PDSS1: variants seen among roughly 807,000 people sequenced by gnomAD.
PDSS1 encodes all trans-polyprenyl-diphosphate synthase PDSS1.
PDSS1 carries 43 observed loss-of-function variants against 57.5 expected under a neutral mutation model. That is an observed-to-expected ratio of 0.75 (90% confidence interval 0.59 to 0.96). The LOEUF is 0.96. Among genes scored for constraint, PDSS1 ranks in the 50% least tolerant of loss-of-function variants. The pLI is 0.00. For synonymous variants in PDSS1, 175 were observed against 191.3 expected, an observed-to-expected ratio of 0.91 and a Z score of 0.70; for missense variants, 438 against 527.8, an observed-to-expected ratio of 0.83 and a Z score of 1.67.
In PDSS1 at chr10:26,746,355, C is replaced by T. The variant is rs758061713; in HGVS notation, c.1130C>T (p.Thr377Ile). 5.6e-6 allele frequency: 9 copies of T among 1,614,080 alleles called. No homozygotes were observed. The highest frequency in any genetic ancestry group is 5.9e-6 in the Non-Finnish European group (7 of 1,179,952). The change falls in exon 12 of 12, where the codon ACC becomes ATC. Residue 377 changes from threonine (T) to isoleucine (I), a missense_variant. Physicochemically the swap from Thr to Ile is moderately conservative, Grantham distance 89. Around this residue, in one of 2 missense-constraint regions of PDSS1, gnomAD observed 284 missense variants for 390.7 expected, o/e 0.73. Coordinates refer to ENST00000376215, the MANE Select transcript of PDSS1 (RefSeq NM_014317.5). Reference sequence around the variant, plus strand: ...TAGAGTGATGGTGTGCAACAAACAACCTACCTCGCCCAGCAGTACTGCCAT... The same window carrying T: ...TAGAGTGATGGTGTGCAACAAACAATCTACCTCGCCCAGCAGTACTGCCAT... ...VLQSDGVQQT[T>I]YLAQQYCHEA...
intron 11 of PDSS1, among the ~76,000 whole-genome samples, 168 bp downstream of exon 11, chr10:26,742,745 ATTTTC>A (rs1052720608): frequency 4.6e-5 from 7 of 152,132 alleles, no homozygotes; most frequent in African/African-American, 1.4e-4. Context: ...CTGATTTTTT[ATTTTC>A]ATTTCTCTTC....
chr10:26,740,161 T>TAAAAAAA (rs1564436809), intron 10 of PDSS1, among the ~76,000 whole-genome samples: 2 of 148,528 alleles, frequency 1.3e-5, no homozygotes, highest in African/African-American at 5.0e-5. Flanking sequence ...AAAAAAAAAT[T>TAAAAAAA]AAAAAATTAG....
At chr10:26,733,997 C>T (rs1466974781) in intron 8 of PDSS1, among the ~76,000 whole-genome samples, 1 of 152,128 alleles carries the variant, frequency 6.6e-6, no homozygotes, top group Non-Finnish European at 1.5e-5. Flanking sequence ...TAATAGCAAA[C>T]ACACATTGAG....
chr10:26,735,628 A>G (rs372471886), intron 10 of PDSS1, 49 bp downstream of exon 10: 5 of 1,033,210 alleles, frequency 4.8e-6, no homozygotes, highest in Non-Finnish European at 7.7e-6. Flanking sequence ...GCCCCACAGA[A>G]CTGATGTCCC....
intron 8 of PDSS1, among the ~76,000 whole-genome samples, chr10:26,729,364 T>C (rs1836085048): frequency 1.3e-5 from 2 of 152,222 alleles, no homozygotes; most frequent in Non-Finnish European, 2.9e-5. Flanking sequence ...GTATGTATTA[T>C]ATGTAATGTA....
chr10:26,697,981 G>A, intron 1 of PDSS1, 141 bp downstream of exon 1: 1 of 749,848 alleles, frequency 1.3e-6, no homozygotes, highest in Non-Finnish European at 1.8e-6. Context: ...CTCCGGGGTG[G>A]GACTCCGGAG....
At chr10:26,699,653 TC>T (rs1834985433) in intron 1 of PDSS1, among the ~76,000 whole-genome samples, 1 of 152,104 alleles carries the variant, frequency 6.6e-6, no homozygotes, top group South Asian at 2.1e-4. Context: ...CTCCTCGGCC[TC>T]CCAAAGTGCG....
chr10:26,744,471 A>C (rs566988316), intron 11 of PDSS1, among the ~76,000 whole-genome samples: 50 of 149,720 alleles, frequency 3.3e-4, no homozygotes, highest in African/African-American at 1.1e-3. Context: ...GCTCACTGCA[A>C]CCTCCGCCTC....
At chr10:26,711,822 T>A (rs56184349) in intron 5 of PDSS1, among the ~76,000 whole-genome samples, 37,491 of 92,442 alleles carry the variant, frequency 0.41, 15,341 homozygotes, top group East Asian at 0.95. Context: ...GCAGCGCAGA[T>A]TCGCCCCTGG....
intron 1 of PDSS1, 26 bp downstream of exon 1, chr10:26,697,866 C>T (rs925820232): frequency 4.7e-6 from 6 of 1,285,924 alleles, no homozygotes; most frequent in South Asian, 4.6e-5. Context: ...GCGCGCCCGG[C>T]GGGGCTCAGA....
intron 8 of PDSS1, among the ~76,000 whole-genome samples, chr10:26,726,832 C>T (rs3004241): frequency 0.4 from 61,106 of 151,966 alleles, 12,444 homozygotes; most frequent in South Asian, 0.57. Flanking sequence ...GAGGCCGAGG[C>T]GAGTGGATCA....
chr10:26,746,592 C>CTT lies in PDSS1; in HGVS notation c.*120_*121dup. ...AAAAATCATTTTAAAAGATATCAAA[C>CTT]TTATTGATGGGCAATTTATTTTTTT... On this transcript the variant is annotated 3_prime_UTR_variant, in exon 12 of 12. Transcript: ENST00000376215. The CTT allele has an allele frequency of 9.2e-7, 1 of 1,084,004 alleles. No individual in the cohort carries two copies. Among genetic ancestry groups the CTT allele is most frequent in the Non-Finnish European group, 1.4e-6 (1 of 731,986 alleles). 67.1% of individuals were successfully genotyped at this position (1,084,004 alleles called of 1,614,324 possible). A position where few individuals can be genotyped will look rare whatever the true frequency, so the allele number is the denominator to read the frequency against.
At chr10:26,730,623 AT>A (rs1335271530) in intron 8 of PDSS1, among the ~76,000 whole-genome samples, 22 of 144,668 alleles carry the variant, frequency 1.5e-4, no homozygotes, top group African/African-American at 5.7e-4. Flanking sequence ...AATAATAATA[AT>A]AAAAAAAATA....
chr10:26,732,354 C>T (rs73596306), intron 8 of PDSS1, among the ~76,000 whole-genome samples: 6,327 of 152,232 alleles, frequency 0.042, 323 homozygotes, highest in African/African-American at 0.11. Context: ...CAGTAATGTC[C>T]CTTCGCCATG....
In PDSS1 at chr10:26,705,354, G is replaced by T. The variant is rs777579681; in HGVS notation, c.296G>T (p.Gly99Val). The change falls in exon 4 of 12, where the codon GGT becomes GTT. Residue 99 changes from glycine (G) to valine (V), a missense_variant. Physicochemically the swap from Gly to Val is moderately radical, Grantham distance 109 (BLOSUM62 -3). This residue lies in a region of PDSS1 where 154 missense variants were observed against 137.0 expected (regional missense o/e 1.12). Coordinates refer to ENST00000376215, the MANE Select transcript of PDSS1 (RefSeq NM_014317.5). ...GEKYTDPFKL[G>V]WRDLKGLYED... is the part of the protein sequence containing the mutation. ...AAATACACCGATCCTTTCAAACTCG[G>T]TTGGAGAGACTTGAAAGGTCTGTAT... 6.8e-6 allele frequency: 11 copies of T among 1,611,014 alleles called. No homozygotes were observed. The Admixed American group carries it at 1.2e-4, about 17-fold the overall frequency.
chr10:26,713,053 G>A (rs1294263313), intron 5 of PDSS1, among the ~76,000 whole-genome samples: 1 of 96,530 alleles, frequency 1.0e-5, no homozygotes, highest in East Asian at 2.5e-4. Context: ...AGCACTTTGG[G>A]AGGCTGAGGC....
At chr10:26,722,013 G>T (rs1443046583) in intron 6 of PDSS1, among the ~76,000 whole-genome samples, 1 of 152,082 alleles carries the variant, frequency 6.6e-6, no homozygotes, top group Non-Finnish European at 1.5e-5. Context: ...CCTGGCCTGG[G>T]CTTCCTAGCA....
At chr10:26,727,068 A>C (rs1835976491) in intron 8 of PDSS1, among the ~76,000 whole-genome samples, 2 of 96,208 alleles carry the variant, frequency 2.1e-5, no homozygotes, top group Admixed American at 2.1e-4. Context: ...TCAAAAAAAA[A>C]ACAAACAAAC....
intron 10 of PDSS1, among the ~76,000 whole-genome samples, chr10:26,736,582 A>G (rs1336476250): frequency 6.6e-6 from 1 of 152,172 alleles, no homozygotes; most frequent in Non-Finnish European, 1.5e-5. Flanking sequence ...GAGAGAGGAA[A>G]GGTCATCTTT....
Sources: gnomAD v4.1 joint callset for allele counts (sites outside exome capture counted in the v4.1 genomes callset) on GRCh38, gnomAD v4.1.1 for gene constraint, gnomAD v4.1.1 regional missense constraint, MANE v1.5 for transcripts, NCBI Gene and HGNC (gene_info 2026-07-23, HGNC 2026-07-21) for gene names.